SIPA1L1: variants seen among roughly 807,000 people sequenced by gnomAD.
SIPA1L1 encodes signal induced proliferation associated 1 like 1.
SIPA1L1 carries 26 observed loss-of-function variants against 162.7 expected under a neutral mutation model. The ratio of observed to expected loss-of-function variants is 0.16; its 90% CI spans 0.12 to 0.22. The LOEUF (loss-of-function observed/expected upper bound fraction) is 0.22. Ranked by LOEUF, SIPA1L1 falls within the 10% of genes least tolerant of loss-of-function variation. The probability of loss-of-function intolerance (pLI) is 1.00; values close to 1 mark genes in which losing one functional copy is unlikely to be tolerated. For synonymous variants in SIPA1L1, 829 were observed against 837.4 expected (o/e 0.99, Z 0.17); for missense variants, 1,874 against 2,241.0 (o/e 0.84, Z 3.31).
intron 2 of SIPA1L1, among the ~76,000 whole-genome samples, chr14:71,454,148 T>C (rs1364564731): frequency 6.6e-6 from 1 of 152,204 alleles, no homozygotes; most frequent in Non-Finnish European, 1.5e-5. Flanking sequence ...CCATGTTTTC[T>C]TACTGTATTC....
At chr14:71,630,674 A>G (rs1327013872) in intron 7 of SIPA1L1, among the ~76,000 whole-genome samples, 1 of 152,136 alleles carries the variant, frequency 6.6e-6, no homozygotes, top group Admixed American at 6.5e-5. Context: ...AAGCAGTATG[A>G]CTATGTTTAC....
At chr14:71,408,144 A>G (rs1887558182) in intron 2 of SIPA1L1, among the ~76,000 whole-genome samples, 1 of 152,162 alleles carries the variant, frequency 6.6e-6, no homozygotes, top group Non-Finnish European at 1.5e-5. Context: ...GAAGACAATA[A>G]TATTTTTTTT....
chr14:71,636,514 CAT>C, intron 7 of SIPA1L1, among the ~76,000 whole-genome samples: 1 of 152,078 alleles, frequency 6.6e-6, no homozygotes, highest in East Asian at 1.9e-4. Context: ...GAAAAGACAA[CAT>C]ATGAAACTTT....
Position 71,377,649 on chromosome 14 carries a change from G to A in SIPA1L1, c.-465+56468G>A, listed in dbSNP as rs550757608. The stretch of plus-strand genomic sequence containing the variant: ...GCGGCTGGGAGGTGGAGGTTGTAGC[G>A]AGCTGAGATCACGCCACTGCACTCC... On this transcript the variant is annotated intron_variant, in intron 2 of 23. Transcript: ENST00000381232. The surrounding 1 kb of genome is among the most constrained non-coding windows in gnomAD (Gnocchi z 4.8). Among the ~76,000 whole-genome samples, 4 of 152,288 alleles carry A rather than the reference G, an allele frequency of 2.6e-5. No homozygotes were observed. The highest frequency in any genetic ancestry group is 6.5e-5 in the Admixed American group (1 of 15,300).
At chr14:71,446,894 G>GGTTTTTT (rs2045394010) in intron 2 of SIPA1L1, among the ~76,000 whole-genome samples, 1 of 87,406 alleles carries the variant, frequency 1.1e-5, no homozygotes, top group African/African-American at 4.4e-5. Flanking sequence ...GATGGGCTCT[G>GGTTTTTT]TTTTTTTTTT....
chr14:71,669,702 C>T (rs2044338068), intron 10 of SIPA1L1, among the ~76,000 whole-genome samples: 1 of 152,144 alleles, frequency 6.6e-6, no homozygotes, highest in African/African-American at 2.4e-5. Flanking sequence ...GAATTCTCTC[C>T]TCCAGTTAGA....
intron 5 of SIPA1L1, among the ~76,000 whole-genome samples, chr14:71,608,112 C>T (rs2037745651): frequency 6.6e-6 from 1 of 152,182 alleles, no homozygotes; most frequent in African/African-American, 2.4e-5. Flanking sequence ...TTAATGTGAG[C>T]ATCAAGGCAA....
At chr14:71,634,273 G>T (rs1033971677) in intron 7 of SIPA1L1, among the ~76,000 whole-genome samples, 1 of 151,534 alleles carries the variant, frequency 6.6e-6, no homozygotes, top group Non-Finnish European at 1.5e-5. Context: ...ATGGTGGCGG[G>T]CACCTGTAAT....
chr14:71,346,807 A>G (rs1011518443), intron 2 of SIPA1L1, among the ~76,000 whole-genome samples: 2 of 152,190 alleles, frequency 1.3e-5, no homozygotes, highest in Non-Finnish European at 2.9e-5. Flanking sequence ...GAACATTTTC[A>G]TTACCTCAAA....
In SIPA1L1 at chr14:71,588,115, A is replaced by T; in HGVS notation, c.243A>T (p.Ala81=). Residue 81 remains alanine, a synonymous_variant, in exon 5 of 24, where the codon GCA becomes GCT. Coordinates refer to ENST00000381232, the MANE Select transcript of SIPA1L1 (RefSeq NM_001386936.1). The surrounding 1 kb of genome is among the most constrained non-coding windows in gnomAD (Gnocchi z 4.3). ...VPKMGVRARI[A]DWPPRKENIK... ...AAATGGGGGTAAGGGCAAGGATTGCAGATTGGCCCCCAAGAAAGGAAAACA... is the reference window on the plus strand; with the variant it reads ...AAATGGGGGTAAGGGCAAGGATTGCTGATTGGCCCCCAAGAAAGGAAAACA... 6.2e-7 allele frequency: 1 copy of T among 1,614,208 alleles called. No homozygotes were observed. Among genetic ancestry groups the T allele is most frequent in the Non-Finnish European group, 8.5e-7 (1 of 1,180,014 alleles).
intron 2 of SIPA1L1, among the ~76,000 whole-genome samples, chr14:71,420,424 T>A (rs1224168235): frequency 6.6e-6 from 1 of 152,224 alleles, no homozygotes; most frequent in Non-Finnish European, 1.5e-5. Context: ...TCTATCTGTC[T>A]ACTAAAGGAG....
intron 2 of SIPA1L1, among the ~76,000 whole-genome samples, chr14:71,437,326 C>T (rs149516050): frequency 1.3e-5 from 2 of 152,036 alleles, no homozygotes; most frequent in Non-Finnish European, 2.9e-5. Flanking sequence ...CCAGCCTGGG[C>T]GATAGTGAGA....
At chr14:71,375,150 T>C (rs2039259102) in intron 2 of SIPA1L1, among the ~76,000 whole-genome samples, 1 of 152,178 alleles carries the variant, frequency 6.6e-6, no homozygotes, top group Non-Finnish European at 1.5e-5. Context: ...TTCTGTGTCC[T>C]GTTGGTTCTG....
chr14:71,568,346 T>C (rs190389304), intron 4 of SIPA1L1, among the ~76,000 whole-genome samples: 45 of 152,344 alleles, frequency 3.0e-4, no homozygotes, highest in African/African-American at 1.1e-3. Flanking sequence ...TGTGATGATA[T>C]TCTTGCCAAA....
intron 2 of SIPA1L1, among the ~76,000 whole-genome samples, chr14:71,471,551 G>T: frequency 6.6e-6 from 1 of 152,200 alleles, no homozygotes; most frequent in Non-Finnish European, 1.5e-5. Flanking sequence ...AACAAGACAG[G>T]GTCCTTTCCC....
At chr14:71,481,416 T>C (rs912379536) in intron 2 of SIPA1L1, among the ~76,000 whole-genome samples, 2 of 152,066 alleles carry the variant, frequency 1.3e-5, no homozygotes, top group Middle Eastern at 3.2e-3. Flanking sequence ...GAGGCAGAGG[T>C]TGCAGTGAAC....
intron 2 of SIPA1L1, among the ~76,000 whole-genome samples, chr14:71,346,339 T>G (rs2036166138): frequency 6.6e-6 from 1 of 152,192 alleles, no homozygotes; most frequent in Admixed American, 6.5e-5. Flanking sequence ...TAATTTCATT[T>G]TTAGAAGGTA....
chr14:71,718,921 C>A (rs2083470420), intron 17 of SIPA1L1, among the ~76,000 whole-genome samples: 1 of 151,584 alleles, frequency 6.6e-6, no homozygotes, highest in Admixed American at 6.6e-5. Context: ...TATTCAGAAT[C>A]TTTGCTTTTT....
intron 17 of SIPA1L1, among the ~76,000 whole-genome samples, chr14:71,712,532 A>C (rs184571572): frequency 6.6e-6 from 1 of 152,210 alleles, no homozygotes; most frequent in African/African-American, 2.4e-5. Flanking sequence ...CCACTGAAAA[A>C]AAAAAGATTA....
Sources: allele counts gnomAD v4.1 joint callset (sites outside exome capture counted in the v4.1 genomes callset), GRCh38; gene constraint gnomAD v4.1.1; non-coding constraint Gnocchi (gnomAD v3.1); transcripts MANE v1.5; gene names NCBI Gene and HGNC (gene_info 2026-07-23, HGNC 2026-07-21).